The following CPSF7 variants were observed in gnomAD, a reference collection of about 807,000 sequenced individuals.
The protein encoded by CPSF7 is cleavage and polyadenylation specificity factor subunit 7.
A neutral mutation model predicts 44.3 loss-of-function variants in CPSF7; 1 was observed. That is an observed-to-expected ratio of 0.02 (90% CI 0.01 to 0.11). The LOEUF is 0.11. CPSF7 is among the 10% of genes least tolerant of loss of function. The pLI, the probability that CPSF7 is intolerant of heterozygous loss-of-function variation, is 1.00. For missense variants in CPSF7, 443 were observed against 607.2 expected, an observed-to-expected ratio of 0.73 and a Z score of 2.84; for synonymous variants, 202 against 222.0, an observed-to-expected ratio of 0.91 and a Z score of 0.80.
At chr11:61,417,448 T>C (rs142544627) in intron 5 of CPSF7, among the ~76,000 whole-genome samples, 2 of 152,360 alleles carry the variant, frequency 1.3e-5, no homozygotes, top group African/African-American at 2.4e-5. Flanking sequence ...AGCCTGTTTA[T>C]TGTGGAATCC....
Position 61,411,375 on chromosome 11 carries a change from G to A in CPSF7, c.1227-270C>T, listed in dbSNP as rs139668599. Among the ~76,000 whole-genome samples, 273 of 152,288 alleles carry A rather than the reference G, an allele frequency of 1.8e-3. 2 individuals are homozygous for A. Among genetic ancestry groups the A allele is most frequent in the African/African-American group, 6.4e-3 (267 of 41,558 alleles). On this transcript the variant is annotated intron_variant, in intron 8 of 9. Transcript: ENST00000439958. ...CCTAATCTTTACAACAGGTCTGTAA[G>A]ATAAATACTATCAGTGTCCCTTTTT...
At chr11:61,425,956 A>T (rs1861302891) in intron 2 of CPSF7, among the ~76,000 whole-genome samples, 1 of 152,222 alleles carries the variant, frequency 6.6e-6, no homozygotes, top group Non-Finnish European at 1.5e-5. Flanking sequence ...CACTGTGCAA[A>T]GCCTGTCTCA....
intron 1 of CPSF7, 148 bp downstream of exon 1, chr11:61,429,766 C>G (rs1223350408): frequency 6.5e-7 from 1 of 1,546,702 alleles, no homozygotes; most frequent in Admixed American, 2.0e-5. Context: ...CCCGGCCCGG[C>G]GCGCTCTGCC....
chr11:61,418,565 G>T (rs1436111985), intron 5 of CPSF7, among the ~76,000 whole-genome samples: 1 of 152,138 alleles, frequency 6.6e-6, no homozygotes, highest in Non-Finnish European at 1.5e-5. Context: ...ACTTGTGTCG[G>T]CTGGTCAGCG....
rs549307507 is a variant in CPSF7 at position 61,413,231 on chromosome 11, T to C, written c.1058-1294A>G. 3.9e-5 allele frequency among the ~76,000 whole-genome samples: 6 copies of C among 152,312 alleles called. No homozygotes were observed. In the East Asian group the frequency reaches 9.6e-4, roughly 24 times the overall value. On this transcript the variant is annotated intron_variant, in intron 7 of 9. Coordinates refer to ENST00000439958, the MANE Select transcript of CPSF7 (RefSeq NM_001142565.3). ...TGAGCCACTGTACCTCATGAGACTT[T>C]CTAAATAATGTGTATTTCTACAAGT...
At position 61,411,916 on chromosome 11, in the gene CPSF7, T is replaced by A; in HGVS notation, c.1079A>T (p.Glu360Val). Residue 360 changes from glutamate to valine, a missense_variant, in exon 8 of 10, where the codon GAG becomes GTG. Glu to Val is a moderately radical substitution (Grantham distance 121). Coordinates refer to ENST00000439958, the MANE Select transcript of CPSF7 (RefSeq NM_001142565.3). ...AACCGCAATGGCTGTGAGCAGCGTCTCAATTGCGTCACTGTAATCCCCTGA... is the reference window on the plus strand; with the variant it reads ...AACCGCAATGGCTGTGAGCAGCGTCACAATTGCGTCACTGTAATCCCCTGA... ...ASAGDYSDAI[E>V]TLLTAIAVIK... 6.2e-7 allele frequency: 1 copy of A among 1,614,182 alleles called. No individual in the cohort carries two copies. Among genetic ancestry groups the A allele is most frequent in the Non-Finnish European group, 8.5e-7 (1 of 1,180,026 alleles).
Position 61,405,235 on chromosome 11 carries a change from CAT to C in CPSF7, c.*6-533_*6-532del, listed in dbSNP as rs142005607. Among the ~76,000 whole-genome samples, 519 of 152,284 alleles carry C rather than the reference CAT, an allele frequency of 3.4e-3. 6 individuals are homozygous for C. The highest frequency in any genetic ancestry group is 0.012 in the African/African-American group (502 of 41,554). On this transcript the variant is annotated intron_variant, in intron 9 of 9. Transcript: ENST00000439958. ...AAGAGGCCCTAGCAGGCAGGATGCA[CAT>C]ACACAGGAAACTCTTAAATCCTTCT...
Position 61,429,277 on chromosome 11 carries a change from T to C in CPSF7, c.-42A>G. The C allele has an allele frequency of 6.2e-7, 1 of 1,610,258 alleles. No homozygotes were observed. The highest frequency in any genetic ancestry group is 8.5e-7 in the Non-Finnish European group (1 of 1,176,620). On this transcript the variant is annotated 5_prime_UTR_variant, in exon 2 of 10. Transcript: ENST00000439958. ...TCGCGAGTCCGGAGGATGGACAAAG[T>C]AAGGAAGATGCCACTGCGGGATTCG...
intron 9 of CPSF7, among the ~76,000 whole-genome samples, chr11:61,409,961 C>A (rs1859702283): frequency 6.6e-6 from 1 of 151,690 alleles, no homozygotes; most frequent in Admixed American, 6.6e-5. Context: ...CAAAGTGAGG[C>A]TCTGTCTCAA....
rs3018727 is a variant in CPSF7, at chr11:61,411,534, T to C, written c.1226+235A>G. 0.84 allele frequency among the ~76,000 whole-genome samples: 128,599 copies of C among 152,212 alleles called. 54,510 individuals carry two copies. The highest frequency in any genetic ancestry group is 0.98 in the East Asian group (5,055 of 5,184). On this transcript the variant is annotated intron_variant, in intron 8 of 9. Coordinates refer to ENST00000439958, the MANE Select transcript of CPSF7 (RefSeq NM_001142565.3). Reference sequence around the variant, plus strand: ...TCCAAAACCCATGTTCTTAAAAATATCTGTCTGTATTTTTTCCTACATGAG... The same window carrying C: ...TCCAAAACCCATGTTCTTAAAAATACCTGTCTGTATTTTTTCCTACATGAG...
intron 4 of CPSF7, 21 bp downstream of exon 4, chr11:61,420,449 C>A (rs372015468): frequency 3.2e-6 from 5 of 1,575,920 alleles, no homozygotes; most frequent in Non-Finnish European, 4.4e-6. Context: ...TTAAAAGGGG[C>A]TTCTCAAATC....
intron 3 of CPSF7, 197 bp downstream of exon 3, chr11:61,421,193 T>TA: frequency 8.7e-7 from 1 of 1,147,370 alleles, no homozygotes; most frequent in Non-Finnish European, 1.3e-6. Flanking sequence ...ACTACCCACT[T>TA]AATCATTGCT....
intron 2 of CPSF7, among the ~76,000 whole-genome samples, chr11:61,423,332 C>T (rs1861072103): frequency 6.6e-6 from 1 of 151,728 alleles, no homozygotes; most frequent in South Asian, 2.1e-4. Context: ...ACCACCATGC[C>T]CAGCTAATTT....
intron 8 of CPSF7, 33 bp downstream of exon 8, chr11:61,411,736 G>A (rs1317783808): frequency 1.0e-5 from 16 of 1,591,380 alleles, no homozygotes; most frequent in Non-Finnish European, 1.4e-5. Context: ...TGCTGCTTGG[G>A]GCTGGTAGGT....
At chr11:61,427,477 A>T (rs943051541) in intron 2 of CPSF7, among the ~76,000 whole-genome samples, 3 of 151,468 alleles carry the variant, frequency 2.0e-5, no homozygotes, top group Admixed American at 2.0e-4. Context: ...ACATGGTGAA[A>T]CCCCGTCTCT....
intron 9 of CPSF7, among the ~76,000 whole-genome samples, chr11:61,406,649 G>A (rs1031511923): frequency 6.6e-6 from 1 of 152,208 alleles, no homozygotes; most frequent in Non-Finnish European, 1.5e-5. Context: ...CAAGTCAAAT[G>A]ACTGTTTTCT....
chr11:61,424,799 T>C (rs1350643952), intron 2 of CPSF7, among the ~76,000 whole-genome samples: 1 of 152,168 alleles, frequency 6.6e-6, no homozygotes, highest in East Asian at 1.9e-4. Context: ...GTAAACAGAA[T>C]AAGGAAACAC....
chr11:61,409,148 T>G lies in CPSF7; in HGVS notation c.*5+1790A>C, dbSNP rs112950993. Among the ~76,000 whole-genome samples the G allele has an allele frequency of 9.6e-4, 142 of 147,688 alleles. No homozygotes were observed. In the East Asian group the frequency reaches 0.023, roughly 24 times the overall value. On this transcript the variant is annotated intron_variant, in intron 9 of 9. Coordinates refer to ENST00000439958, the MANE Select transcript of CPSF7 (RefSeq NM_001142565.3). ...TGACAGAGTGAGACAATGTGTCTAT[T>G]AAAAAAACAAAAACAAAAACAAAAC...
rs1166981303 is a variant in CPSF7 at position 61,411,071 on chromosome 11, G to A, written c.1261C>T (p.Arg421Trp). The A allele has an allele frequency of 8.7e-6, 14 of 1,612,012 alleles. No homozygotes were observed. Among genetic ancestry groups the A allele is most frequent in the Middle Eastern group, 1.6e-4 (1 of 6,072 alleles). Residue 421 changes from arginine (R) to tryptophan (W), a missense_variant, in exon 9 of 10, where the codon CGG becomes TGG. Coordinates refer to ENST00000439958, the MANE Select transcript of CPSF7 (RefSeq NM_001142565.3). ...TGCCTCCTGCTGCTCTCCCGGGACC[G>A]GCTAGGTGACCTTTCCCGGGAGCGA... Reference protein sequence around the residue: ...RHRSRERSPSRSRESSRRHRD... With the variant: ...RHRSRERSPSWSRESSRRHRD...
Sources: allele counts gnomAD v4.1 joint callset (sites outside exome capture counted in the v4.1 genomes callset), GRCh38; gene constraint gnomAD v4.1.1; transcripts MANE v1.5; gene names NCBI Gene and HGNC (gene_info 2026-07-23, HGNC 2026-07-21).